PLEC: variants seen among roughly 807,000 people sequenced by gnomAD.
PLEC encodes the protein plectin, also known as hemidesmosomal protein 1.
PLEC carries 216 observed loss-of-function variants against 392.8 expected under a neutral mutation model. The observed-to-expected ratio is 0.55, with a 90% CI of 0.49 to 0.62. The LOEUF is 0.62. Among genes scored for constraint, PLEC ranks in the 20% least tolerant of loss-of-function variants. PLEC has a pLI of 0.00. For synonymous variants in PLEC, 3,621 were observed against 2,980.6 expected, an observed-to-expected ratio of 1.21 and a Z score of -7.00; for missense variants, 6,863 against 6,563.4, an observed-to-expected ratio of 1.05 and a Z score of -1.58.
rs782178702 is a variant in PLEC, at chr8:143,929,832, G to A, written c.2740-3C>T. ...TCCTCTGGCTTCAGGGTGCGGAACT[G>A]GGGGAAGCACGTGGGGCTGAGTGCC... is the stretch of plus-strand genomic sequence containing the variant. On this transcript the variant is annotated splice_region_variant and splice_polypyrimidine_tract_variant and intron_variant, in intron 22 of 31. Coordinates refer to ENST00000345136, the MANE Select transcript of PLEC (RefSeq NM_201384.3). 6 of 1,599,482 alleles carry A rather than the reference G, an allele frequency of 3.8e-6. No homozygotes were observed. Among genetic ancestry groups the A allele is most frequent in the South Asian group, 3.3e-5 (3 of 90,916 alleles).
At position 143,919,485 on chromosome 8, in the gene PLEC, A is replaced by T. The variant is rs782476476; in HGVS notation, c.10336T>A (p.Ser3446Thr). 2 of 1,612,982 alleles carry T rather than the reference A, an allele frequency of 1.2e-6. No homozygotes were observed. Among genetic ancestry groups the T allele is most frequent in the African/African-American group, 2.7e-5 (2 of 74,880 alleles). Residue 3446 changes from serine to threonine, a missense_variant, in exon 32 of 32, where the codon TCC (serine) becomes ACC (threonine). Transcript: ENST00000345136. ...CCCTTCTGCATGGCCTGGAAGAGGG[A>T]GATGGTGCTGCCCGAGTAGGGGTCT... ...YRDPYSGSTI[S>T]LFQAMQKGLV...
chr8:143,934,522 A>G, intron 10 of PLEC, 77 bp from the exon 11 acceptor site: 1 of 1,601,296 alleles, frequency 6.2e-7, no homozygotes, highest in Non-Finnish European at 8.5e-7. Flanking sequence ...ACCCCAGCCC[A>G]CCAGACCTGG....
chr8:143,944,712 G>C lies in PLEC; in HGVS notation c.523+5472C>G, dbSNP rs781817759. 137 of 1,296,076 alleles carry C rather than the reference G, an allele frequency of 1.1e-4. 2 individuals are homozygous for C. Among genetic ancestry groups the C allele is most frequent in the Middle Eastern group, 2.0e-4 (1 of 4,932 alleles). 80.3% of individuals were successfully genotyped at this position (1,296,076 alleles called of 1,614,324 possible). On this transcript the variant is annotated intron_variant, in intron 1 of 31. Transcript: ENST00000322810. Reference sequence around the variant, plus strand: ...GGGGCAGACGGAGCGGGCCAGGGGTGTGGGAGGTCACAGGCCCCTCGGAGG... The same window carrying C: ...GGGGCAGACGGAGCGGGCCAGGGGTCTGGGAGGTCACAGGCCCCTCGGAGG...
chr8:143,956,328 G>C (rs928885240), upstream of PLEC, among the ~76,000 whole-genome samples: 1 of 152,174 alleles, frequency 6.6e-6, no homozygotes, highest in South Asian at 2.1e-4. Flanking sequence ...AGCACTTTCC[G>C]AGGCTGAGAC....
upstream of PLEC, among the ~76,000 whole-genome samples, chr8:143,974,993 T>G (rs570557504): frequency 7.9e-5 from 12 of 152,320 alleles, no homozygotes; most frequent in East Asian, 1.7e-3. This position sits in a 1 kb window ranked among gnomAD's most constrained non-coding sequence, Gnocchi z 5.9. Flanking sequence ...ATGAACCGCC[T>G]GGGCGCGGCC....
upstream of PLEC, among the ~76,000 whole-genome samples, chr8:143,973,842 C>T (rs1358676595): frequency 2.6e-5 from 4 of 152,036 alleles, no homozygotes; most frequent in African/African-American, 9.7e-5. The surrounding 1 kb of genome is among the most constrained non-coding windows in gnomAD (Gnocchi z 5.6). Context: ...CCGAGACGCT[C>T]CCCTGCCCGC....
At chr8:143,970,069 G>A (rs1373872738) in intron 1 of PLEC, among the ~76,000 whole-genome samples, 1 of 152,084 alleles carries the variant, frequency 6.6e-6, no homozygotes, top group South Asian at 2.1e-4. Flanking sequence ...CTCCTCATGT[G>A]TCCCCTACTC....
At chr8:143,943,827 C>T (rs1830962362), upstream of PLEC, 6 of 1,612,324 alleles carry the variant, frequency 3.7e-6, no homozygotes, top group Non-Finnish European at 5.1e-6. Flanking sequence ...TGCCACACAG[C>T]GGCCAGGGTG....
chr8:143,949,454 G>A (rs1195746456), intron 1 of PLEC, among the ~76,000 whole-genome samples: 1 of 152,240 alleles, frequency 6.6e-6, no homozygotes, highest in East Asian at 1.9e-4. Flanking sequence ...AGGCCACAGA[G>A]AAGGGGCAGA....
rs1833543376 is a variant in PLEC at position 143,973,517 on chromosome 8, C to G, written c.-45G>C. 1.5e-6 allele frequency: 2 copies of G among 1,323,918 alleles called. No individual in the cohort carries two copies. The highest frequency in any genetic ancestry group is 3.1e-5 in the African/African-American group (2 of 64,250). The allele number at this position is 1,323,918 out of a possible 1,614,324, so 82.0% of individuals were successfully genotyped here. ...GGGGTGCAGCGGAGCCTCCAGCACC[C>G]GGCGGCCACTCTGTCCCCGCGGCCG... On this transcript the variant is annotated 5_prime_UTR_variant, in exon 1 of 32. Coordinates refer to the PLEC transcript ENST00000356346. The surrounding 1 kb of genome is among the most constrained non-coding windows in gnomAD (Gnocchi z 5.6).
At chr8:143,947,277 C>A (rs1164764143) in intron 1 of PLEC, among the ~76,000 whole-genome samples, 1 of 152,176 alleles carries the variant, frequency 6.6e-6, no homozygotes, top group Non-Finnish European at 1.5e-5. Context: ...ATGGTGGCTA[C>A]CCAACCCCTG....
chr8:143,970,694 C>T (rs1445326896), intron 1 of PLEC, among the ~76,000 whole-genome samples: 7 of 152,118 alleles, frequency 4.6e-5, no homozygotes, highest in African/African-American at 9.7e-5. Context: ...ATGGACTGGC[C>T]GCCTCACCTC....
At chr8:143,931,118 G>A (rs1827114346) in intron 19 of PLEC, among the ~76,000 whole-genome samples, 1 of 152,202 alleles carries the variant, frequency 6.6e-6, no homozygotes, top group Non-Finnish European at 1.5e-5. Context: ...GGCTGGCAGT[G>A]CTCCTTCTAT....
At chr8:143,944,538 GC>G, upstream of PLEC, 1 of 579,824 alleles carries the variant, frequency 1.7e-6, no homozygotes, top group South Asian at 4.0e-5. Context: ...CAGGCTGTGT[GC>G]AGGGCGAGGG....
chr8:143,940,867 G>A (rs978462717), upstream of PLEC, among the ~76,000 whole-genome samples: 2 of 152,146 alleles, frequency 1.3e-5, no homozygotes, highest in South Asian at 2.1e-4. Context: ...CATCGTACAC[G>A]CCGCCCAACG....
intron 1 of PLEC, among the ~76,000 whole-genome samples, chr8:143,966,638 G>A (rs1235144718): frequency 6.6e-6 from 1 of 152,204 alleles, no homozygotes; most frequent in East Asian, 1.9e-4. Flanking sequence ...ACAGGACAGG[G>A]CGGGGCTCGG....
At position 143,916,991 on chromosome 8, in the gene PLEC, G is replaced by A. The variant is rs369593768; in HGVS notation, c.12830C>T (p.Thr4277Met). The change falls in exon 32 of 32, where the codon ACG becomes ATG. Residue 4277 changes from threonine (T) to methionine (M), a missense_variant. Transcript: ENST00000345136. ...LASWSDPTEE[T>M]GPVAGILDTE... The stretch of plus-strand genomic sequence containing the variant: ...GTCCAGGATGCCAGCCACGGGGCCC[G>A]TCTCCTCAGTGGGGTCTGACCAGGA... 97 of 1,612,844 alleles carry A rather than the reference G, an allele frequency of 6.0e-5. No homozygotes were observed. Among genetic ancestry groups the A allele is most frequent in the Non-Finnish European group, 7.4e-5 (87 of 1,179,978 alleles).
At position 143,967,280 on chromosome 8, in the gene PLEC, T is replaced by G. The variant is rs555269336; in HGVS notation, c.70+6123A>C. Reference sequence around the variant, plus strand: ...CGGGAGCCTGAGGCAGGAGAATGGCTTGAACCCGGGAGGCGGAGGTTGCAG... The same window carrying G: ...CGGGAGCCTGAGGCAGGAGAATGGCGTGAACCCGGGAGGCGGAGGTTGCAG... On this transcript the variant is annotated intron_variant, in intron 1 of 31. Coordinates refer to the PLEC transcript ENST00000356346. Among the ~76,000 whole-genome samples, 18 of 145,808 alleles carry G rather than the reference T, an allele frequency of 1.2e-4. No individual in the cohort carries two copies. The South Asian group carries it at 1.5e-3, about 12-fold the overall frequency.
At position 143,920,870 on chromosome 8, in the gene PLEC, G is replaced by T; in HGVS notation, c.8951C>A (p.Ala2984Asp). The stretch of plus-strand genomic sequence containing the variant: ...GATGACCCTGCTCTCCAGCAGCTCG[G>T]CGGCTGGCACCAGGCTGCGCAGGCC... ...FEGLRSLVPA[A>D]ELLESRVIDR... The change falls in exon 32 of 32, where the codon GCC becomes GAC. Residue 2984 changes from alanine to aspartate, a missense_variant. By Grantham distance (126) the Ala-to-Asp change is moderately radical (BLOSUM62 -2). Coordinates refer to ENST00000345136, the MANE Select transcript of PLEC (RefSeq NM_201384.3). 1 of 1,610,600 alleles carries T rather than the reference G, an allele frequency of 6.2e-7. No homozygotes were observed. Among genetic ancestry groups the T allele is most frequent in the East Asian group, 2.2e-5 (1 of 44,856 alleles).
Sources: allele counts gnomAD v4.1 joint callset (sites outside exome capture counted in the v4.1 genomes callset), GRCh38; gene constraint gnomAD v4.1.1; non-coding constraint Gnocchi (gnomAD v3.1); transcripts MANE v1.5; gene names NCBI Gene and HGNC (gene_info 2026-07-23, HGNC 2026-07-21).